The following EBF3 variants were observed in gnomAD, a reference collection of about 807,000 sequenced individuals.
The protein encoded by EBF3 is transcription factor COE3.
EBF3 carries 18 observed loss-of-function variants against 77.1 expected under a neutral mutation model. The ratio of observed to expected loss-of-function variants is 0.23; its 90% CI spans 0.16 to 0.35. The LOEUF (loss-of-function observed/expected upper bound fraction) is 0.35, where lower values mean the gene tolerates loss of function less well. EBF3 is among the 10% of genes least tolerant of loss of function. EBF3 has a pLI of 1.00. For missense variants in EBF3, 558 were observed against 860.0 expected, an observed-to-expected ratio of 0.65 and a Z score of 4.39; for synonymous variants, 350 against 343.5, an observed-to-expected ratio of 1.02 and a Z score of -0.21.
intron 10 of EBF3, among the ~76,000 whole-genome samples, chr10:129,857,874 C>G (rs1851361956): frequency 6.6e-6 from 1 of 152,230 alleles, no homozygotes; most frequent in Non-Finnish European, 1.5e-5. Flanking sequence ...GAGCCAGGGG[C>G]AGATTCCAAA....
chr10:129,885,280 C>T lies in EBF3; in HGVS notation c.555-7431G>A, dbSNP rs540214384. ...CCAGAACAGATCCCCGCCAAGTCCT[C>T]CGTTTGGAGAAATTTGTATGACTCG... On this transcript the variant is annotated intron_variant, in intron 6 of 16. Coordinates refer to ENST00000440978, the MANE Select transcript of EBF3 (RefSeq NM_001375380.1). The surrounding 1 kb of genome is among the most constrained non-coding windows in gnomAD (Gnocchi z 4.0). Among the ~76,000 whole-genome samples, 248 of 152,252 alleles carry T rather than the reference C, an allele frequency of 1.6e-3. 1 individual carries two copies. Among genetic ancestry groups the T allele is most frequent in the Non-Finnish European group, 2.7e-3 (181 of 68,012 alleles).
chr10:129,941,495 A>G (rs991629020), intron 6 of EBF3, among the ~76,000 whole-genome samples: 1 of 152,248 alleles, frequency 6.6e-6, no homozygotes, highest in African/African-American at 2.4e-5. Flanking sequence ...ACTAGGCCAC[A>G]GAGGAGAGGT....
At chr10:129,920,533 G>A (rs539168910) in intron 6 of EBF3, among the ~76,000 whole-genome samples, 1 of 152,338 alleles carries the variant, frequency 6.6e-6, no homozygotes, top group East Asian at 1.9e-4. Flanking sequence ...GACCCAGCTG[G>A]GGCGCTAGCA....
chr10:129,904,338 C>CA (rs1564874549), intron 6 of EBF3, among the ~76,000 whole-genome samples: 1 of 152,220 alleles, frequency 6.6e-6, no homozygotes, highest in Non-Finnish European at 1.5e-5. Flanking sequence ...GTATTATAAT[C>CA]ATTTGTTTCT....
chr10:129,963,142 A>G lies in EBF3; in HGVS notation c.292-137T>C. 1.6e-6 allele frequency: 2 copies of G among 1,254,814 alleles called. No individual in the cohort carries two copies. The highest frequency in any genetic ancestry group is 2.3e-6 in the Non-Finnish European group (2 of 873,030). The allele number at this position is 1,254,814 out of a possible 1,614,324, so 77.7% of individuals were successfully genotyped here. A position where few individuals can be genotyped will look rare whatever the true frequency, so the allele number is the denominator to read the frequency against. ...TAGCTCGAAGCAGCGCGGTGATGTC[A>G]CTTTCCTGCTGGAAGCCCAGCGTTC... On this transcript the variant is annotated intron_variant, in intron 2 of 16. Coordinates refer to ENST00000440978, the MANE Select transcript of EBF3 (RefSeq NM_001375380.1). The surrounding 1 kb of genome is among the most constrained non-coding windows in gnomAD (Gnocchi z 7.1).
intron 6 of EBF3, among the ~76,000 whole-genome samples, chr10:129,919,928 AAG>A (rs1856151996): frequency 6.6e-6 from 1 of 152,170 alleles, no homozygotes; most frequent in Admixed American, 6.5e-5. Flanking sequence ...AGAACAGCAC[AAG>A]AGAGAAAGCC....
Position 129,864,144 on chromosome 10 carries a change from C to T in EBF3, c.1039+2997G>A, listed in dbSNP as rs1181560609. Among the ~76,000 whole-genome samples the T allele has an allele frequency of 2.6e-5, 4 of 152,082 alleles. No homozygotes were observed. The highest frequency in any genetic ancestry group is 9.7e-5 in the African/African-American group (4 of 41,406). On this transcript the variant is annotated intron_variant, in intron 10 of 16. Coordinates refer to ENST00000440978, the MANE Select transcript of EBF3 (RefSeq NM_001375380.1). The surrounding 1 kb of genome is among the most constrained non-coding windows in gnomAD (Gnocchi z 4.4). ...GTCCCTTAGTAGGAGGATATGAGAC[C>T]TGGAGAGGATATCCCTGGCCAAGGA...
chr10:129,922,928 C>T (rs1252400987), intron 6 of EBF3, among the ~76,000 whole-genome samples: 1 of 152,192 alleles, frequency 6.6e-6, no homozygotes, highest in Non-Finnish European at 1.5e-5. Context: ...TGTGACCAGT[C>T]GGAGCTGGTC....
In EBF3 at chr10:129,836,736, C is replaced by G. The variant is rs979798047; in HGVS notation, c.*1207G>C. 4.6e-5 allele frequency: 7 copies of G among 152,382 alleles called. No individual in the cohort carries two copies. Among genetic ancestry groups the G allele is most frequent in the Admixed American group, 6.6e-5 (1 of 15,250 alleles). The allele number at this position is 152,382 out of a possible 1,614,324, so 9.4% of individuals were successfully genotyped here. On this transcript the variant is annotated 3_prime_UTR_variant, in exon 17 of 17. Coordinates refer to ENST00000440978, the MANE Select transcript of EBF3 (RefSeq NM_001375380.1). ...TAATGCTCTTCCCAGTATCACAACA[C>G]CAGGCCGTGATCAAAAACCAATACA...
chr10:129,882,222 G>A (rs1024014565), intron 6 of EBF3, among the ~76,000 whole-genome samples: 20 of 152,248 alleles, frequency 1.3e-4, no homozygotes, highest in African/African-American at 4.8e-4. Context: ...TTAGGCTCCT[G>A]TGTAATATCC....
intron 5 of EBF3, among the ~76,000 whole-genome samples, chr10:129,958,671 G>A (rs1398552126): frequency 6.6e-6 from 1 of 152,184 alleles, no homozygotes; most frequent in Non-Finnish European, 1.5e-5. Flanking sequence ...ACCCAGACCT[G>A]TTTTCATTTT....
intron 6 of EBF3, among the ~76,000 whole-genome samples, chr10:129,939,449 G>A (rs1857578252): frequency 6.6e-6 from 1 of 152,200 alleles, no homozygotes; most frequent in Non-Finnish European, 1.5e-5. Context: ...GCTGAAACAC[G>A]TGACCGTTCC....
intron 6 of EBF3, among the ~76,000 whole-genome samples, chr10:129,926,344 C>T (rs1484919296): frequency 1.3e-5 from 2 of 152,154 alleles, no homozygotes; most frequent in Non-Finnish European, 2.9e-5. Context: ...CTGTGCAAGG[C>T]CTAGAGAGTG....
chr10:129,873,434 CAT>C lies in EBF3; in HGVS notation c.781+16_781+17del, dbSNP rs1428031870. ...AAGAAGCATCGCAAATAAAAAAAGA[CAT>C]GTAACATGTGCCTACCATTTTCCAG... On this transcript the variant is annotated intron_variant, in intron 8 of 16. Transcript: ENST00000440978. 39 of 1,497,790 alleles carry C rather than the reference CAT, an allele frequency of 2.6e-5. No homozygotes were observed. Among genetic ancestry groups the C allele is most frequent in the Non-Finnish European group, 3.5e-5 (39 of 1,119,560 alleles). The allele number at this position is 1,497,790 out of a possible 1,614,324, so 92.8% of individuals were successfully genotyped here.
At chr10:129,865,442 G>A (rs756383408) in intron 10 of EBF3, among the ~76,000 whole-genome samples, 5 of 152,110 alleles carry the variant, frequency 3.3e-5, no homozygotes, top group Admixed American at 6.5e-5. Flanking sequence ...AGAGGTGTCC[G>A]GACATCAGCT....
chr10:129,940,148 A>G (rs2083663279), intron 6 of EBF3, among the ~76,000 whole-genome samples: 1 of 152,212 alleles, frequency 6.6e-6, no homozygotes, highest in South Asian at 2.1e-4. Context: ...TGTCACACAC[A>G]CAAACCAGCT....
rs1850620217 is a variant in EBF3 at position 129,848,324 on chromosome 10, C to A, written c.1128+68G>T. The A allele has an allele frequency of 6.7e-7, 1 of 1,493,532 alleles. No homozygotes were observed. Among genetic ancestry groups the A allele is most frequent in the South Asian group, 1.1e-5 (1 of 88,686 alleles). 92.5% of individuals were successfully genotyped at this position (1,493,532 alleles called of 1,614,324 possible). ...TCCCCCCTTCCCAGAGCACCTGCTGCCCCCAAACCAGAACCAGCCCAGTGG... is the reference window on the plus strand; with the variant it reads ...TCCCCCCTTCCCAGAGCACCTGCTGACCCCAAACCAGAACCAGCCCAGTGG... On this transcript the variant is annotated intron_variant, in intron 11 of 16. Transcript: ENST00000440978. The surrounding 1 kb of genome is among the most constrained non-coding windows in gnomAD (Gnocchi z 4.4).
intron 6 of EBF3, among the ~76,000 whole-genome samples, chr10:129,927,415 A>G (rs954499431): frequency 6.6e-6 from 1 of 152,228 alleles, no homozygotes; most frequent in African/African-American, 2.4e-5. Context: ...ATTGTAATCA[A>G]TTCAACCATA....
intron 6 of EBF3, among the ~76,000 whole-genome samples, chr10:129,950,194 A>G (rs1161872485): frequency 2.0e-5 from 3 of 152,222 alleles, no homozygotes; most frequent in Admixed American, 6.5e-5. Context: ...CTACAACAAC[A>G]CAACCGCGAG....
Sources: allele counts gnomAD v4.1 joint callset (sites outside exome capture counted in the v4.1 genomes callset), GRCh38; gene constraint gnomAD v4.1.1; non-coding constraint Gnocchi (gnomAD v3.1); transcripts MANE v1.5; gene names NCBI Gene and HGNC (gene_info 2026-07-23, HGNC 2026-07-21).